Variants in SORCS2 observed in about 807,000 individuals in gnomAD.
SORCS2 encodes sortilin related VPS10 domain containing receptor 2.
Under a neutral mutation model 141.6 loss-of-function variants are expected in SORCS2, and 100 were observed. That is an observed-to-expected ratio of 0.71 (90% confidence interval 0.60 to 0.83). The LOEUF (loss-of-function observed/expected upper bound fraction) is 0.83, where lower values mean the gene tolerates loss of function less well. SORCS2 is among the 40% of genes least tolerant of loss of function. The pLI is 0.00. For missense variants in SORCS2, 1,646 were observed against 1,560.2 expected, an observed-to-expected ratio of 1.05 and a Z score of -0.93; for synonymous variants, 789 against 676.9, an observed-to-expected ratio of 1.17 and a Z score of -2.57.
chr4:7,340,476 A>G (rs2108988007), intron 1 of SORCS2, among the ~76,000 whole-genome samples: 1 of 152,318 alleles, frequency 6.6e-6, no homozygotes, highest in East Asian at 1.9e-4. Flanking sequence ...GCCAGCGCCT[A>G]CCCTGGAAGG....
rs114046131 is a variant in SORCS2, at chr4:7,633,647, T to C, written c.649-4681T>C. On this transcript the variant is annotated intron_variant, in intron 3 of 26. Transcript: ENST00000507866. ...GAAGACGCATAAGTGGATGAGTTTT[T>C]TCTATGCGTTTTGCTCTCCAGGCTA... 2.3e-3 allele frequency among the ~76,000 whole-genome samples: 355 copies of C among 152,354 alleles called. 1 individual carries two copies. Among genetic ancestry groups the C allele is most frequent in the African/African-American group, 7.9e-3 (327 of 41,580 alleles).
intron 4 of SORCS2, among the ~76,000 whole-genome samples, chr4:7,644,527 C>T (rs897535924): frequency 1.3e-5 from 2 of 152,188 alleles, no homozygotes; most frequent in African/African-American, 4.8e-5. Context: ...CAAGGGAGTC[C>T]AAGTGATGCT....
chr4:7,616,703 A>T (rs1181092084), intron 3 of SORCS2, among the ~76,000 whole-genome samples: 1 of 152,248 alleles, frequency 6.6e-6, no homozygotes, highest in Non-Finnish European at 1.5e-5. Context: ...TTGCAATAGA[A>T]ATCACAAAAC....
At chr4:7,617,542 G>A (rs571867488) in intron 3 of SORCS2, among the ~76,000 whole-genome samples, 6 of 152,160 alleles carry the variant, frequency 3.9e-5, no homozygotes, top group Non-Finnish European at 5.9e-5. Context: ...CTATCCTGAC[G>A]TAGAGTAAGT....
In SORCS2 at chr4:7,378,654, A is replaced by C. The variant is rs188947867; in HGVS notation, c.481-17634A>C. Among the ~76,000 whole-genome samples the C allele has an allele frequency of 3.7e-4, 57 of 152,272 alleles. 1 individual carries two copies. Among genetic ancestry groups the C allele is most frequent in the African/African-American group, 1.3e-3 (52 of 41,540 alleles). ...ATTATTGCAATTCAAGGTGAGATTT[A>C]GGTGGGGACACAGAGCCCAACCATA... On this transcript the variant is annotated intron_variant, in intron 1 of 26. Transcript: ENST00000507866.
chr4:7,304,881 T>C (rs1717678318), intron 1 of SORCS2, among the ~76,000 whole-genome samples: 2 of 152,198 alleles, frequency 1.3e-5, no homozygotes, highest in South Asian at 4.1e-4. Flanking sequence ...GCATTTCCAA[T>C]GTTTGGGGCT....
intron 1 of SORCS2, among the ~76,000 whole-genome samples, chr4:7,353,521 A>G (rs1044460646): frequency 2.6e-5 from 4 of 152,216 alleles, no homozygotes; most frequent in Non-Finnish European, 5.9e-5. Flanking sequence ...GCCCAGCATG[A>G]GGCCTGGCAC....
chr4:7,355,707 G>A (rs1299283496), intron 1 of SORCS2, among the ~76,000 whole-genome samples: 1 of 152,220 alleles, frequency 6.6e-6, no homozygotes, highest in Non-Finnish European at 1.5e-5. Context: ...ATGAAACCTT[G>A]GGTAAATGAG....
chr4:7,504,712 A>G (rs192561542), intron 2 of SORCS2, among the ~76,000 whole-genome samples: 5 of 152,326 alleles, frequency 3.3e-5, no homozygotes, highest in Admixed American at 6.5e-5. Context: ...AGTAGTAAGT[A>G]CAAACCAGGA....
At chr4:7,467,954 C>A (rs1729723802) in intron 2 of SORCS2, among the ~76,000 whole-genome samples, 1 of 152,222 alleles carries the variant, frequency 6.6e-6, no homozygotes, top group Non-Finnish European at 1.5e-5. Flanking sequence ...TGGGCTCCTG[C>A]CCAAGGGGCT....
chr4:7,209,191 C>T (rs1727914920), intron 1 of SORCS2, among the ~76,000 whole-genome samples: 1 of 152,268 alleles, frequency 6.6e-6, no homozygotes, highest in African/African-American at 2.4e-5. Flanking sequence ...GGACAGCCAG[C>T]ATATGCTCAG....
At chr4:7,297,431 G>C (rs888147629) in intron 1 of SORCS2, among the ~76,000 whole-genome samples, 1 of 152,100 alleles carries the variant, frequency 6.6e-6, no homozygotes, top group Non-Finnish European at 1.5e-5. Context: ...CCCCACCCCA[G>C]GGATCTTGCT....
chr4:7,403,987 ATATATATATAT>A (rs1237019630), intron 2 of SORCS2, among the ~76,000 whole-genome samples: 2,778 of 22,058 alleles, frequency 0.13, 172 homozygotes, highest in African/African-American at 0.28. Flanking sequence ...ATATATATAT[ATATATATATAT>A]TTTTTTTTTT....
chr4:7,652,498 C>G (rs1721509093), intron 4 of SORCS2, among the ~76,000 whole-genome samples: 3 of 152,114 alleles, frequency 2.0e-5, no homozygotes, highest in Admixed American at 2.0e-4. Context: ...GACCCGTGGG[C>G]CCCCGACCCC....
intron 2 of SORCS2, among the ~76,000 whole-genome samples, chr4:7,455,887 G>A (rs894690000): frequency 2.0e-5 from 3 of 152,150 alleles, no homozygotes; most frequent in African/African-American, 2.4e-5. Flanking sequence ...GGTATCAGGC[G>A]CCGGGTTAGC....
intron 11 of SORCS2, 69 bp from the exon 12 acceptor site, chr4:7,697,129 C>G: frequency 1.4e-6 from 2 of 1,381,942 alleles, no homozygotes; most frequent in Non-Finnish European, 2.0e-6. Context: ...TTTTTCCATG[C>G]TCAGACTTGT....
intron 2 of SORCS2, among the ~76,000 whole-genome samples, chr4:7,426,870 T>C (rs1726478268): frequency 6.6e-6 from 1 of 152,184 alleles, no homozygotes; most frequent in Non-Finnish European, 1.5e-5. Context: ...AGAATCCACA[T>C]CTGCTCCGGC....
intron 1 of SORCS2, among the ~76,000 whole-genome samples, chr4:7,215,652 A>G (rs1473754285): frequency 6.6e-6 from 1 of 152,272 alleles, no homozygotes; most frequent in Non-Finnish European, 1.5e-5. Context: ...AAATACACCA[A>G]TCGGCACTCT....
At chr4:7,673,404 G>A (rs991292386) in intron 8 of SORCS2, among the ~76,000 whole-genome samples, 7 of 152,194 alleles carry the variant, frequency 4.6e-5, no homozygotes, top group Non-Finnish European at 8.8e-5. Context: ...GAACGCTGAC[G>A]GTTTCCCCGT....
Sources: gnomAD v4.1 joint callset for allele counts (sites outside exome capture counted in the v4.1 genomes callset) on GRCh38, gnomAD v4.1.1 for gene constraint, MANE v1.5 for transcripts, NCBI Gene and HGNC (gene_info 2026-07-23, HGNC 2026-07-21) for gene names.